BNC2: variants seen among roughly 807,000 people sequenced by gnomAD.
BNC2 encodes basonuclin zinc finger protein 2, also known as zinc finger protein basonuclin-2.
A neutral mutation model predicts 76.3 loss-of-function variants in BNC2; 20 were observed. That is an observed-to-expected ratio of 0.26 (90% CI 0.18 to 0.38). The LOEUF is 0.38. Among genes scored for constraint, BNC2 ranks in the 10% least tolerant of loss-of-function variants. BNC2 has a pLI of 1.00. For missense variants in BNC2, 1,382 were observed against 1,399.8 expected, an observed-to-expected ratio of 0.99 and a Z score of 0.20; for synonymous variants, 582 against 514.8, an observed-to-expected ratio of 1.13 and a Z score of -1.77.
chr9:16,824,420 GAC>G (rs1818406586), intron 1 of BNC2, among the ~76,000 whole-genome samples: 1 of 152,076 alleles, frequency 6.6e-6, no homozygotes, highest in Non-Finnish European at 1.5e-5. Context: ...CCACATATAT[GAC>G]ACTCTTTCAA....
chr9:16,820,161 C>T (rs1397789607), intron 1 of BNC2, among the ~76,000 whole-genome samples: 1 of 145,686 alleles, frequency 6.9e-6, no homozygotes, highest in Non-Finnish European at 1.5e-5. Flanking sequence ...CGTGGTCGCT[C>T]ACATCTGTAA....
At chr9:16,593,891 G>A (rs1449593574) in intron 3 of BNC2, among the ~76,000 whole-genome samples, 1 of 151,964 alleles carries the variant, frequency 6.6e-6, no homozygotes, top group Non-Finnish European at 1.5e-5. Context: ...AGGAGGCAAA[G>A]CACTTCTCAT....
Position 16,696,369 on chromosome 9 carries a change from G to A in BNC2, c.330+31428C>T, listed in dbSNP as rs186224738. On this transcript the variant is annotated intron_variant, in intron 3 of 6. Transcript: ENST00000380672. ...TTTTATGTCTCTTGCATACTGATTTGGACTTTCCTAACCTGAAATAGTTCT... is the reference window on the plus strand; with the variant it reads ...TTTTATGTCTCTTGCATACTGATTTAGACTTTCCTAACCTGAAATAGTTCT... 9.2e-5 allele frequency among the ~76,000 whole-genome samples: 14 copies of A among 152,144 alleles called. No individual in the cohort carries two copies. The East Asian group carries it at 2.7e-3, about 29-fold the overall frequency.
At chr9:16,753,677 T>C (rs1470842382) in intron 1 of BNC2, among the ~76,000 whole-genome samples, 1 of 152,160 alleles carries the variant, frequency 6.6e-6, no homozygotes, top group Non-Finnish European at 1.5e-5. Flanking sequence ...AATAAAAGCA[T>C]ATTCCAGGTA....
At chr9:16,470,554 G>A (rs1821800548) in intron 5 of BNC2, among the ~76,000 whole-genome samples, 1 of 152,196 alleles carries the variant, frequency 6.6e-6, no homozygotes, top group Non-Finnish European at 1.5e-5. Context: ...CATGGGCTGA[G>A]CCCAGGGTCC....
At chr9:16,496,981 T>C (rs1287348166) in intron 5 of BNC2, among the ~76,000 whole-genome samples, 4 of 152,222 alleles carry the variant, frequency 2.6e-5, no homozygotes, top group Non-Finnish European at 5.9e-5. Flanking sequence ...CAACATGGCA[T>C]TAGATATGCA....
chr9:16,723,823 T>C (rs1824237727), intron 3 of BNC2, among the ~76,000 whole-genome samples: 2 of 152,086 alleles, frequency 1.3e-5, no homozygotes, highest in African/African-American at 4.8e-5. Context: ...AAATGATTTC[T>C]CTGGTGATAA....
intron 6 of BNC2, among the ~76,000 whole-genome samples, chr9:16,423,710 G>A (rs891157770): frequency 2.6e-5 from 4 of 152,136 alleles, no homozygotes; most frequent in African/African-American, 4.8e-5. Context: ...AGGTGGTGGC[G>A]ACAAAACAAA....
chr9:16,501,950 T>A (rs1050340511), intron 5 of BNC2, among the ~76,000 whole-genome samples: 1 of 152,208 alleles, frequency 6.6e-6, no homozygotes, highest in African/African-American at 2.4e-5. Context: ...ACTTTGCCAT[T>A]TTCTTGCATA....
chr9:16,801,780 C>G (rs949066796), intron 1 of BNC2, among the ~76,000 whole-genome samples: 3 of 150,288 alleles, frequency 2.0e-5, no homozygotes, highest in African/African-American at 4.9e-5. Context: ...TGCCTCTCAA[C>G]TGTAAGTTAA....
rs1009036433 is a variant in BNC2, at chr9:16,748,851, A to T, written c.4-10366T>A. 1.4e-4 allele frequency among the ~76,000 whole-genome samples: 21 copies of T among 148,404 alleles called. 1 individual carries two copies. The highest frequency in any genetic ancestry group is 4.4e-4 in the African/African-American group (18 of 40,668). Reference sequence around the variant, plus strand: ...GAGCGAAACCGTCTCAAAAAAAAAAAAAAAAAAAAAAAAGCAATGGACCAT... The same window carrying T: ...GAGCGAAACCGTCTCAAAAAAAAAATAAAAAAAAAAAAAGCAATGGACCAT... On this transcript the variant is annotated intron_variant, in intron 1 of 6. Transcript: ENST00000380672.
At chr9:16,494,941 G>A (rs1822355643) in intron 5 of BNC2, among the ~76,000 whole-genome samples, 1 of 152,122 alleles carries the variant, frequency 6.6e-6, no homozygotes. Flanking sequence ...TAACAAACTT[G>A]CACATTGTGC....
intron 5 of BNC2, among the ~76,000 whole-genome samples, chr9:16,445,701 G>T (rs912031979): frequency 6.6e-6 from 1 of 152,128 alleles, no homozygotes; most frequent in African/African-American, 2.4e-5. Flanking sequence ...CAGAAAGAAT[G>T]ATTTCGAAAT....
intron 1 of BNC2, among the ~76,000 whole-genome samples, chr9:16,799,805 C>G (rs78362622): frequency 6.6e-6 from 1 of 152,112 alleles, no homozygotes; most frequent in Non-Finnish European, 1.5e-5. Context: ...TGAATATAAG[C>G]GGTAACCTTG....
In BNC2 at chr9:16,410,993, G is replaced by A. The variant is rs975229366; in HGVS notation, c.*7996C>T. On this transcript the variant is annotated 3_prime_UTR_variant, in exon 7 of 7. Transcript: ENST00000380672. ...GTGGCCACAGCACCGATTCACAGATGGGGTAGAGGATGCTTTGTCTCCTAG... is the reference window on the plus strand; with the variant it reads ...GTGGCCACAGCACCGATTCACAGATAGGGTAGAGGATGCTTTGTCTCCTAG... 2.0e-5 allele frequency: 3 copies of A among 152,218 alleles called. No individual in the cohort carries two copies. The highest frequency in any genetic ancestry group is 4.4e-5 in the Non-Finnish European group (3 of 68,056). The allele number at this position is 152,218 out of a possible 1,614,324, so 9.4% of individuals were successfully genotyped here.
chr9:16,720,512 T>G (rs1328029286), intron 3 of BNC2, among the ~76,000 whole-genome samples: 1 of 152,134 alleles, frequency 6.6e-6, no homozygotes, highest in Admixed American at 6.5e-5. Flanking sequence ...GAAATAACAT[T>G]ACAGTTCAAA....
chr9:16,803,281 G>A (rs1184590902), intron 1 of BNC2, among the ~76,000 whole-genome samples: 1 of 152,218 alleles, frequency 6.6e-6, no homozygotes, highest in Non-Finnish European at 1.5e-5. Flanking sequence ...TCTGAGGACA[G>A]TGCTGAAATC....
intron 1 of BNC2, among the ~76,000 whole-genome samples, chr9:16,794,204 A>C (rs1346898397): frequency 6.6e-6 from 1 of 152,054 alleles, no homozygotes; most frequent in African/African-American, 2.4e-5. Context: ...GCCACATTTC[A>C]AGCAGTGATG....
chr9:16,659,473 T>G (rs1323837732), intron 3 of BNC2, among the ~76,000 whole-genome samples: 1 of 152,058 alleles, frequency 6.6e-6, no homozygotes, highest in African/African-American at 2.4e-5. Context: ...CTGTGTGTGG[T>G]GGTGCATGCC....
Sources: allele counts gnomAD v4.1 joint callset (sites outside exome capture counted in the v4.1 genomes callset), GRCh38; gene constraint gnomAD v4.1.1; transcripts MANE v1.5; gene names NCBI Gene and HGNC (gene_info 2026-07-23, HGNC 2026-07-21).